IL1RAPL1: variants seen among roughly 807,000 people sequenced by gnomAD.
IL1RAPL1 encodes interleukin 1 receptor accessory protein like 1.
A neutral mutation model predicts 48.4 loss-of-function variants in IL1RAPL1; 3 were observed. That is an observed-to-expected ratio of 0.06 (90% confidence interval 0.03 to 0.16). The LOEUF is 0.16. Ranked by LOEUF, IL1RAPL1 falls within the 10% of genes least tolerant of loss-of-function variation. The pLI is 1.00. For missense variants in IL1RAPL1, 349 were observed against 530.6 expected (o/e 0.66, Z 3.36); for synonymous variants, 185 against 187.7 (o/e 0.99, Z 0.12).
At chrX:29,575,079 T>G (rs1297933299) in intron 5 of IL1RAPL1, among the ~76,000 whole-genome samples, 1 of 111,755 alleles carries the variant, frequency 8.9e-6, no homozygotes, top group Non-Finnish European at 1.9e-5. Flanking sequence ...CAGCTTCCCA[T>G]CTTCTTCTGA....
chrX:29,753,864 G>C (rs1928548280), intron 6 of IL1RAPL1, among the ~76,000 whole-genome samples: 1 of 112,037 alleles, frequency 8.9e-6, no homozygotes, highest in African/African-American at 3.2e-5. Flanking sequence ...TAAGAAGGTA[G>C]CTAAATTATC....
intron 5 of IL1RAPL1, among the ~76,000 whole-genome samples, chrX:29,644,325 A>C (rs186994315): frequency 8.9e-6 from 1 of 111,940 alleles, no homozygotes; most frequent in Admixed American, 9.5e-5. Flanking sequence ...AAAAGAATTA[A>C]TTCTTTGTCA....
chrX:29,594,834 C>T (rs1923490301), intron 5 of IL1RAPL1, among the ~76,000 whole-genome samples: 1 of 111,450 alleles, frequency 9.0e-6, no homozygotes, highest in Non-Finnish European at 1.9e-5. Context: ...GCACCCATCA[C>T]CTGAGCAGTG....
chrX:29,043,621 C>A (rs1307344345), intron 2 of IL1RAPL1, among the ~76,000 whole-genome samples: 1 of 111,269 alleles, frequency 9.0e-6, no homozygotes, highest in East Asian at 2.8e-4. Flanking sequence ...ATGAATTCAT[C>A]CCATGCGTTC....
At chrX:29,591,577 ACTCTCCTGT>A (rs1418421823) in intron 5 of IL1RAPL1, among the ~76,000 whole-genome samples, 1 of 111,242 alleles carries the variant, frequency 9.0e-6, no homozygotes, top group Non-Finnish European at 1.9e-5. Flanking sequence ...TCTGCCGGGC[ACTCTCCTGT>A]CTCTCCACAG....
At chrX:28,666,011 G>A (rs1027544873) in intron 1 of IL1RAPL1, among the ~76,000 whole-genome samples, 1 of 111,957 alleles carries the variant, frequency 8.9e-6, no homozygotes. Flanking sequence ...GGCCCACACA[G>A]ACCCACACAG....
chrX:29,428,510 A>G (rs1466659615), intron 5 of IL1RAPL1, among the ~76,000 whole-genome samples: 8 of 110,716 alleles, frequency 7.2e-5, no homozygotes, highest in African/African-American at 2.6e-4. Context: ...GCCGACTGGA[A>G]CTATCATCAC....
At chrX:29,632,137 T>C (rs140054408) in intron 5 of IL1RAPL1, among the ~76,000 whole-genome samples, 1,948 of 110,179 alleles carry the variant, frequency 0.018, 54 homozygotes, top group African/African-American at 0.062. Context: ...AAGGCAGATA[T>C]AGTTTTGGTT....
At chrX:28,715,655 C>A (rs1935495830) in intron 1 of IL1RAPL1, among the ~76,000 whole-genome samples, 1 of 111,485 alleles carries the variant, frequency 9.0e-6, no homozygotes. Context: ...CCTAAACAGA[C>A]CAATAATGAG....
chrX:29,620,209 C>T (rs1569129748), intron 5 of IL1RAPL1, among the ~76,000 whole-genome samples: 1 of 111,920 alleles, frequency 8.9e-6, no homozygotes, highest in Non-Finnish European at 1.9e-5. Flanking sequence ...TGATGACTAG[C>T]TTTAAGACAA....
chrX:28,766,747 A>T (rs1042246324), intron 1 of IL1RAPL1, among the ~76,000 whole-genome samples: 5 of 110,701 alleles, frequency 4.5e-5, no homozygotes, highest in African/African-American at 1.6e-4. Context: ...CATGAGTTCA[A>T]TTGTTTTGAT....
intron 1 of IL1RAPL1, among the ~76,000 whole-genome samples, chrX:28,701,551 A>G (rs1280482654): frequency 8.9e-6 from 1 of 112,297 alleles, no homozygotes; most frequent in East Asian, 2.8e-4. Flanking sequence ...ACTGCAGAAG[A>G]AAGTTGTTAT....
chrX:29,622,592 C>A (rs1019456940), intron 5 of IL1RAPL1, among the ~76,000 whole-genome samples: 6 of 111,774 alleles, frequency 5.4e-5, no homozygotes, highest in African/African-American at 2.0e-4. Flanking sequence ...GGCTCCAGTT[C>A]CAGTCCCATT....
intron 5 of IL1RAPL1, among the ~76,000 whole-genome samples, chrX:29,408,571 C>T (rs944032555): frequency 8.1e-5 from 9 of 111,450 alleles, no homozygotes; most frequent in Non-Finnish European, 1.1e-4. Context: ...GAAAGGAAAA[C>T]TGATTCGAAA....
At chrX:29,604,924 C>T (rs1325848477) in intron 5 of IL1RAPL1, among the ~76,000 whole-genome samples, 1 of 110,837 alleles carries the variant, frequency 9.0e-6, no homozygotes, top group Non-Finnish European at 1.9e-5. Flanking sequence ...TGACCCTTCT[C>T]CACACCCAGG....
chrX:28,869,418 GTTAT>G (rs1922153832), intron 2 of IL1RAPL1, among the ~76,000 whole-genome samples: 1 of 108,741 alleles, frequency 9.2e-6, no homozygotes, highest in Non-Finnish European at 1.9e-5. Flanking sequence ...TTATTAATTG[GTTAT>G]TTATTTGCTA....
intron 5 of IL1RAPL1, among the ~76,000 whole-genome samples, chrX:29,605,554 G>A (rs771097955): frequency 1.8e-5 from 2 of 111,045 alleles, no homozygotes; most frequent in Non-Finnish European, 3.8e-5. Flanking sequence ...ATTAGAGGAT[G>A]TTAGAGGCAA....
chrX:29,849,550 C>A (rs2147197775), intron 6 of IL1RAPL1, among the ~76,000 whole-genome samples: 1 of 111,966 alleles, frequency 8.9e-6, no homozygotes, highest in African/African-American at 3.2e-5. Flanking sequence ...AGGGGGGACA[C>A]TTTCATGAAG....
At chrX:29,885,676 G>C (rs935775836) in intron 6 of IL1RAPL1, among the ~76,000 whole-genome samples, 6 of 110,798 alleles carry the variant, frequency 5.4e-5, no homozygotes, top group Non-Finnish European at 7.6e-5. Flanking sequence ...AAAATCAGCT[G>C]AGTGTGGTGG....
Sources: gnomAD v4.1 joint callset for allele counts (sites outside exome capture counted in the v4.1 genomes callset) on GRCh38, gnomAD v4.1.1 for gene constraint, MANE v1.5 for transcripts, NCBI Gene and HGNC (gene_info 2026-07-23, HGNC 2026-07-21) for gene names.